FRMPD4: variants seen among roughly 807,000 people sequenced by gnomAD.
FRMPD4 encodes the protein FERM and PDZ domain containing 4, also known as FERM and PDZ domain-containing protein 4.
Under a neutral mutation model 94.1 loss-of-function variants are expected in FRMPD4, and 22 were observed. The observed-to-expected ratio is 0.23, with a 90% CI of 0.17 to 0.33. FRMPD4 has a LOEUF of 0.33. FRMPD4 is among the 10% of genes least tolerant of loss of function. The pLI is 1.00. For synonymous variants in FRMPD4, 631 were observed against 548.6 expected (o/e 1.15, Z -2.10); for missense variants, 1,111 against 1,339.9 (o/e 0.83, Z 2.67).
chrX:12,184,521 C>A (rs1382906060), intron 1 of FRMPD4, among the ~76,000 whole-genome samples: 1 of 112,156 alleles, frequency 8.9e-6, no homozygotes, highest in Non-Finnish European at 1.9e-5. Context: ...CCAATGCATT[C>A]TTTTCCACAT....
At chrX:12,302,219 C>T (rs1447219627) in intron 1 of FRMPD4, among the ~76,000 whole-genome samples, 2 of 111,765 alleles carry the variant, frequency 1.8e-5, no homozygotes, top group African/African-American at 6.5e-5. Context: ...TTACATGTAT[C>T]CATATCTTTT....
chrX:11,876,616 A>C (rs1435081596), intron 2 of FRMPD4, among the ~76,000 whole-genome samples: 1 of 112,010 alleles, frequency 8.9e-6, no homozygotes, highest in East Asian at 2.8e-4. Flanking sequence ...TGGAGACTAT[A>C]GCAATGAGAG....
chrX:12,058,744 C>T (rs2054868625), intron 3 of FRMPD4, among the ~76,000 whole-genome samples: 1 of 110,938 alleles, frequency 9.0e-6, no homozygotes, highest in Admixed American at 9.6e-5. Context: ...AGTGATTTTT[C>T]ATCCAGGGGT....
In FRMPD4 at chrX:12,113,269, G is replaced by C. The variant is rs183149852; in HGVS notation, c.95+235251G>C. 3.0e-3 allele frequency among the ~76,000 whole-genome samples: 340 copies of C among 112,203 alleles called. 1 individual carries two copies. Among genetic ancestry groups the C allele is most frequent in the African/African-American group, 0.011 (325 of 30,905 alleles). ...AACTGGAAGTTATCTATAGCCCCTT[G>C]CACTTCTTGGTTACATGAATGTATT... is the stretch of plus-strand genomic sequence containing the variant. On this transcript the variant is annotated intron_variant, in intron 3 of 18. Coordinates refer to the FRMPD4 transcript ENST00000640291.
At chrX:12,014,399 C>A (rs1049031596) in intron 3 of FRMPD4, among the ~76,000 whole-genome samples, 1 of 111,939 alleles carries the variant, frequency 8.9e-6, no homozygotes, top group Non-Finnish European at 1.9e-5. Context: ...TGAATCCTAT[C>A]TGCCCTAATA....
intron 1 of FRMPD4, among the ~76,000 whole-genome samples, chrX:12,367,129 C>G (rs779719319): frequency 4.8e-4 from 54 of 112,016 alleles, no homozygotes; most frequent in African/African-American, 1.7e-3. Flanking sequence ...CATATACAAC[C>G]TTGCTTTTCC....
At chrX:11,957,801 CAT>C (rs747103193) in intron 3 of FRMPD4, among the ~76,000 whole-genome samples, 14 of 112,253 alleles carry the variant, frequency 1.2e-4, no homozygotes, top group Non-Finnish European at 1.9e-5. Flanking sequence ...GTACACAATG[CAT>C]AGTTTTCCCT....
chrX:12,347,354 C>T lies in FRMPD4; in HGVS notation c.42-151326C>T, dbSNP rs760468150. Among the ~76,000 whole-genome samples, 3 of 110,979 alleles carry T rather than the reference C, an allele frequency of 2.7e-5. No individual in the cohort carries two copies. The East Asian group carries it at 8.5e-4, about 31-fold the overall frequency. ...CTGTGCTCAAGTGATCCTTCTGCCT[C>T]AGCCTCTCAAGTAGCTAGGTCTACA... On this transcript the variant is annotated intron_variant, in intron 1 of 16. Transcript: ENST00000675598.
chrX:12,450,307 A>G (rs765374635), intron 1 of FRMPD4, among the ~76,000 whole-genome samples: 2 of 111,492 alleles, frequency 1.8e-5, no homozygotes, highest in Admixed American at 9.5e-5. Flanking sequence ...TATCTGTCCT[A>G]TTAAAAAAAA....
intron 1 of FRMPD4, among the ~76,000 whole-genome samples, chrX:12,277,339 A>C: frequency 1.8e-5 from 2 of 111,941 alleles, no homozygotes; most frequent in Middle Eastern, 9.1e-3. Flanking sequence ...GTTTTACTTG[A>C]TATGGGAGCC....
At chrX:12,597,947 A>G (rs1046034232) in intron 2 of FRMPD4, among the ~76,000 whole-genome samples, 1 of 112,391 alleles carries the variant, frequency 8.9e-6, no homozygotes, top group Admixed American at 9.4e-5. Context: ...TCCTCATTGT[A>G]TTTCAAGGTC....
chrX:11,967,734 ATGTGTG>A lies in FRMPD4; in HGVS notation c.95+89734_95+89739del, dbSNP rs1169732749. ...GGAGAAGAGGATGATTTCTAGGCAG[ATGTGTG>A]TGTGTGTGTGTGTGTGTTTTTTTTT... On this transcript the variant is annotated intron_variant, in intron 3 of 18. Transcript: ENST00000640291. Among the ~76,000 whole-genome samples, 84 of 90,463 alleles carry A rather than the reference ATGTGTG, an allele frequency of 9.3e-4. 2 individuals carry two copies. Among genetic ancestry groups the A allele is most frequent in the Admixed American group, 3.9e-3 (30 of 7,784 alleles). The allele number at this position is 90,463 out of a possible 115,157, so 78.6% of individuals were successfully genotyped here. A position where few individuals can be genotyped will look rare whatever the true frequency, so the allele number is the denominator to read the frequency against.
intron 1 of FRMPD4, among the ~76,000 whole-genome samples, chrX:12,180,866 C>G (rs771572780): frequency 1.8e-5 from 2 of 112,122 alleles, no homozygotes; most frequent in South Asian, 3.7e-4. Flanking sequence ...GGTTCACTGG[C>G]TATAGTTTGG....
intron 2 of FRMPD4, among the ~76,000 whole-genome samples, chrX:12,535,605 A>G (rs184548719): frequency 1.8e-5 from 2 of 112,491 alleles, no homozygotes; most frequent in Admixed American, 1.9e-4. Context: ...TTCATTTTTC[A>G]ACTGCAAATA....
intron 2 of FRMPD4, among the ~76,000 whole-genome samples, chrX:12,545,433 G>C (rs1224122592): frequency 1.8e-5 from 2 of 112,467 alleles, no homozygotes; most frequent in Non-Finnish European, 3.8e-5. Flanking sequence ...CAGAATAAGA[G>C]CTTTTCTCAT....
chrX:12,036,290 G>A (rs1482487131), intron 3 of FRMPD4, among the ~76,000 whole-genome samples: 1 of 111,959 alleles, frequency 8.9e-6, no homozygotes, highest in Non-Finnish European at 1.9e-5. Context: ...CCAAGATTGA[G>A]AGACATTCTA....
At chrX:12,383,568 A>C (rs1007152623) in intron 1 of FRMPD4, among the ~76,000 whole-genome samples, 1 of 111,458 alleles carries the variant, frequency 9.0e-6, no homozygotes, top group African/African-American at 3.3e-5. Context: ...TTTCCATTGA[A>C]TTCTGTGCTT....
In FRMPD4 at chrX:12,434,328, A is replaced by G. The variant is rs140783639; in HGVS notation, c.42-64352A>G. ...AAGGGTTGTGGAGTTGGTTTAATTC[A>G]TGGGTTAAGCCTACGCCTTCTTCTC... On this transcript the variant is annotated intron_variant, in intron 1 of 16. Transcript: ENST00000675598. Among the ~76,000 whole-genome samples the G allele has an allele frequency of 5.4e-3, 600 of 111,619 alleles. 5 individuals are homozygous for G. The highest frequency in any genetic ancestry group is 0.019 in the African/African-American group (570 of 30,576).
chrX:12,111,801 C>T (rs760905389), intron 3 of FRMPD4, among the ~76,000 whole-genome samples: 1 of 111,877 alleles, frequency 8.9e-6, no homozygotes, highest in African/African-American at 3.2e-5. Flanking sequence ...ATGCAGCCAA[C>T]AGACACATGA....
Sources: allele counts gnomAD v4.1 joint callset (sites outside exome capture counted in the v4.1 genomes callset), GRCh38; gene constraint gnomAD v4.1.1; transcripts MANE v1.5; gene names NCBI Gene and HGNC (gene_info 2026-07-23, HGNC 2026-07-21).